Variants in TESC observed in about 807,000 individuals in gnomAD.
TESC encodes the protein tescalcin, also known as calcineurin B homologous protein 3.
TESC carries 19 observed loss-of-function variants against 31.0 expected under a neutral mutation model. That is an observed-to-expected ratio of 0.61 (90% confidence interval 0.43 to 0.90). The LOEUF (loss-of-function observed/expected upper bound fraction) is 0.90, where lower values mean the gene tolerates loss of function less well. TESC is among the 40% of genes least tolerant of loss of function. TESC has a pLI of 0.00. For synonymous variants in TESC, 109 were observed against 114.8 expected (o/e 0.95, Z 0.32); for missense variants, 248 against 303.8 (o/e 0.82, Z 1.36).
At position 117,072,525 on chromosome 12, in the gene TESC, G is replaced by A. The variant is rs187536554; in HGVS notation, c.128+2746C>T. 2.7e-3 allele frequency among the ~76,000 whole-genome samples: 406 copies of A among 152,344 alleles called. 2 individuals are homozygous for A. Among genetic ancestry groups the A allele is most frequent in the African/African-American group, 9.2e-3 (384 of 41,580 alleles). On this transcript the variant is annotated intron_variant, in intron 2 of 7. Coordinates refer to ENST00000335209, the MANE Select transcript of TESC (RefSeq NM_017899.4). ...AAGGATTCTAATACAGTTGGACTCC[G>A]AAGCCTGGGTTTTTGCCTCTGCATC...
At chr12:117,059,022 T>C (rs1954767497) in intron 2 of TESC, among the ~76,000 whole-genome samples, 1 of 152,114 alleles carries the variant, frequency 6.6e-6, no homozygotes, top group Non-Finnish European at 1.5e-5. Flanking sequence ...GCACACAGGC[T>C]GGTGATCCTA....
At chr12:117,043,345 C>G (rs1474061232) in intron 6 of TESC, among the ~76,000 whole-genome samples, 1 of 151,804 alleles carries the variant, frequency 6.6e-6, no homozygotes, top group Non-Finnish European at 1.5e-5. Flanking sequence ...CTGTGACTGT[C>G]TGAAATTCTG....
Position 117,058,422 on chromosome 12 carries a change from CA to C in TESC, c.129-1537del, listed in dbSNP as rs1184300297. Among the ~76,000 whole-genome samples the C allele has an allele frequency of 2.6e-5, 4 of 152,088 alleles. No homozygotes were observed. In the East Asian group the frequency reaches 7.7e-4, roughly 29 times the overall value. On this transcript the variant is annotated intron_variant, in intron 2 of 7. Coordinates refer to ENST00000335209, the MANE Select transcript of TESC (RefSeq NM_017899.4). ...GAATGTGGTGTGCCAGCTGAGGGTA[CA>C]GCTTTCTTTTGGGAGTGATGAATAT... is the stretch of plus-strand genomic sequence containing the variant.
intron 1 of TESC, among the ~76,000 whole-genome samples, chr12:117,094,875 G>C (rs1182312036): frequency 6.6e-6 from 1 of 151,660 alleles, no homozygotes; most frequent in Non-Finnish European, 1.5e-5. Flanking sequence ...AATTAGCCGA[G>C]CATGGTGGCG....
At chr12:117,096,858 C>T (rs1239650049) in intron 1 of TESC, among the ~76,000 whole-genome samples, 2 of 152,162 alleles carry the variant, frequency 1.3e-5, no homozygotes, top group South Asian at 2.1e-4. Flanking sequence ...CCTCTGCATT[C>T]GACGTCCCCT....
intron 1 of TESC, among the ~76,000 whole-genome samples, chr12:117,093,315 G>A (rs539040300): frequency 2.6e-4 from 39 of 152,356 alleles, no homozygotes; most frequent in South Asian, 6.2e-4. Flanking sequence ...AGAACGCAGT[G>A]GAGAAACCAG....
At chr12:117,051,569 G>A (rs1268249223) in intron 3 of TESC, among the ~76,000 whole-genome samples, 2 of 152,212 alleles carry the variant, frequency 1.3e-5, no homozygotes, top group South Asian at 2.1e-4. Flanking sequence ...AATTTACAGA[G>A]CATAAAAATA....
At chr12:117,069,402 C>A (rs1954934394) in intron 2 of TESC, among the ~76,000 whole-genome samples, 1 of 152,146 alleles carries the variant, frequency 6.6e-6, no homozygotes, top group African/African-American at 2.4e-5. Flanking sequence ...CCACGCCCAA[C>A]TGATTTTTGT....
intron 1 of TESC, among the ~76,000 whole-genome samples, chr12:117,078,974 T>A (rs1170616143): frequency 6.6e-6 from 1 of 152,168 alleles, no homozygotes; most frequent in Admixed American, 6.5e-5. Context: ...ACACATCATC[T>A]TCTTTAGTTC....
intron 1 of TESC, among the ~76,000 whole-genome samples, chr12:117,083,758 G>C (rs1955179829): frequency 6.6e-6 from 1 of 152,172 alleles, no homozygotes; most frequent in South Asian, 2.1e-4. Flanking sequence ...AATGAGAAGT[G>C]ACTGCCAGTG....
chr12:117,073,110 T>G (rs148187985), intron 2 of TESC, among the ~76,000 whole-genome samples: 123 of 152,312 alleles, frequency 8.1e-4, no homozygotes, highest in Admixed American at 3.9e-3. Flanking sequence ...TGTGTCATGC[T>G]ACACACTCCT....
intron 6 of TESC, among the ~76,000 whole-genome samples, chr12:117,045,481 C>T (rs1011571918): frequency 2.6e-4 from 40 of 152,258 alleles, no homozygotes; most frequent in African/African-American, 9.2e-4. Context: ...CCTGCTCTCC[C>T]CACCGAGGTC....
chr12:117,066,606 C>T (rs183996968), intron 2 of TESC, among the ~76,000 whole-genome samples: 217 of 152,194 alleles, frequency 1.4e-3, no homozygotes, highest in African/African-American at 5.1e-3. Context: ...ACCTCGTGAT[C>T]CGCCCGCCTC....
chr12:117,094,413 A>T (rs1260960924), intron 1 of TESC, among the ~76,000 whole-genome samples: 1 of 152,020 alleles, frequency 6.6e-6, no homozygotes, highest in Non-Finnish European at 1.5e-5. Context: ...TGAACAATAC[A>T]CCTTGAGTTT....
chr12:117,072,271 T>C (rs993823963), intron 2 of TESC, among the ~76,000 whole-genome samples: 26 of 152,160 alleles, frequency 1.7e-4, no homozygotes, highest in African/African-American at 6.0e-4. Context: ...CCTGCTTTTT[T>C]TTCCCCCTAG....
intron 6 of TESC, among the ~76,000 whole-genome samples, chr12:117,046,281 C>T (rs531094820): frequency 1.3e-5 from 2 of 152,268 alleles, no homozygotes; most frequent in South Asian, 2.1e-4. Context: ...TGACTGAGGC[C>T]GGGGTGGGGG....
At chr12:117,056,665 A>G (rs1954728382) in intron 3 of TESC, 141 bp downstream of exon 3, 1 of 849,410 alleles carries the variant, frequency 1.2e-6, no homozygotes, top group Admixed American at 2.1e-5. Context: ...CCAACCCCAA[A>G]CCTATGCTCA....
chr12:117,056,775 C>T (rs1323256113), intron 3 of TESC, 31 bp downstream of exon 3: 2 of 1,607,022 alleles, frequency 1.2e-6, no homozygotes, highest in Non-Finnish European at 1.7e-6. Context: ...AGGGTGCCTG[C>T]CACTGGGCTG....
intron 4 of TESC, among the ~76,000 whole-genome samples, chr12:117,047,241 C>T (rs564384182): frequency 3.3e-5 from 5 of 152,302 alleles, no homozygotes; most frequent in African/African-American, 4.8e-5. Context: ...AGGGCACCAT[C>T]ATCTCACCCA....
Sources: allele counts gnomAD v4.1 joint callset (sites outside exome capture counted in the v4.1 genomes callset), GRCh38; gene constraint gnomAD v4.1.1; transcripts MANE v1.5; gene names NCBI Gene and HGNC (gene_info 2026-07-23, HGNC 2026-07-21).